RASEF: variants seen among roughly 807,000 people sequenced by gnomAD.
The protein encoded by RASEF is RAS and EF-hand domain containing.
RASEF carries 68 observed loss-of-function variants against 90.1 expected under a neutral mutation model. The ratio of observed to expected loss-of-function variants is 0.75; its 90% CI spans 0.62 to 0.92. The LOEUF (loss-of-function observed/expected upper bound fraction) is 0.92. Ranked by LOEUF, RASEF falls within the 40% of genes least tolerant of loss-of-function variation. RASEF has a pLI of 0.00. For missense variants in RASEF, 949 were observed against 937.2 expected (o/e 1.01, Z -0.16); for synonymous variants, 331 against 345.2 (o/e 0.96, Z 0.46).
At chr9:83,093,776 G>T in the RASEF span, among the ~76,000 whole-genome samples, 2 of 152,348 alleles carry the variant, frequency 1.3e-5, no homozygotes, top group South Asian at 2.1e-4. Flanking sequence ...TGGGCTGAAG[G>T]GCTCCTCAAG....
the RASEF span, among the ~76,000 whole-genome samples, chr9:83,153,373 A>T: frequency 6.6e-6 from 1 of 152,192 alleles, no homozygotes; most frequent in African/African-American, 2.4e-5. Context: ...GTTACTGCTT[A>T]TATGAAATTT....
the RASEF span, among the ~76,000 whole-genome samples, chr9:83,145,142 G>C: frequency 6.6e-6 from 1 of 152,184 alleles, no homozygotes; most frequent in African/African-American, 2.4e-5. Flanking sequence ...TTCTTAACAA[G>C]ATAATTATTA....
chr9:83,063,359 C>A (rs1269380942), upstream of RASEF, among the ~76,000 whole-genome samples: 1 of 152,220 alleles, frequency 6.6e-6, no homozygotes, highest in African/African-American at 2.4e-5. Context: ...GAGCCCAGCG[C>A]TCCGCTTCTC....
intron 1 of RASEF, among the ~76,000 whole-genome samples, chr9:83,043,887 T>C (rs1359391305): frequency 1.3e-5 from 2 of 152,142 alleles, no homozygotes; most frequent in Non-Finnish European, 2.9e-5. Context: ...ACCTAAGAGT[T>C]TGCACTTCTA....
intron 12 of RASEF, 113 bp downstream of exon 12, chr9:83,000,056 C>T: frequency 1.1e-6 from 1 of 914,792 alleles, no homozygotes; most frequent in South Asian, 1.6e-5. Context: ...TGTGTGCATA[C>T]ACAGAGAAAG....
At position 83,062,910 on chromosome 9, in the gene RASEF, G is replaced by A. The variant is rs1371911702; in HGVS notation, c.-43C>T. 1 of 1,391,182 alleles carries A rather than the reference G, an allele frequency of 7.2e-7. No individual in the cohort carries two copies. The highest frequency in any genetic ancestry group is 3.0e-5 in the East Asian group (1 of 33,670). The allele number at this position is 1,391,182 out of a possible 1,614,324, so 86.2% of individuals were successfully genotyped here. ...GCCGAGAGGGCTCCGGAGCGCCGCG[G>A]GGCGCAGGGCCCTCCCTGGAAGGAC... is the stretch of plus-strand genomic sequence containing the variant. On this transcript the variant is annotated 5_prime_UTR_variant, in exon 1 of 17. Coordinates refer to ENST00000376447, the MANE Select transcript of RASEF (RefSeq NM_152573.4).
the RASEF span, among the ~76,000 whole-genome samples, chr9:83,187,863 C>T: frequency 7.2e-5 from 11 of 152,302 alleles, no homozygotes; most frequent in East Asian, 1.7e-3. Context: ...TTGCTTTTCC[C>T]CTGTGTAACA....
chr9:82,987,874 T>A (rs1828736945), intron 16 of RASEF, among the ~76,000 whole-genome samples: 1 of 152,174 alleles, frequency 6.6e-6, no homozygotes. Flanking sequence ...GAAACAGATT[T>A]AAGAATGGAC....
rs925391460 is a variant in RASEF, at chr9:82,981,280, T to C, written c.*1397A>G. The C allele has an allele frequency of 6.6e-6, 1 of 152,140 alleles. No homozygotes were observed. The highest frequency in any genetic ancestry group is 2.4e-5 in the African/African-American group (1 of 41,426). 9.4% of individuals were successfully genotyped at this position (152,140 alleles called of 1,614,324 possible). On this transcript the variant is annotated 3_prime_UTR_variant, in exon 17 of 17. Transcript: ENST00000376447. ...TTAGAGGCATCTCAGTGGGGAGGTCTGGGAAGCAATGCAGGTTCTGGAAGG... is the reference window on the plus strand; with the variant it reads ...TTAGAGGCATCTCAGTGGGGAGGTCCGGGAAGCAATGCAGGTTCTGGAAGG...
chr9:82,984,963 T>C (rs912466074), intron 16 of RASEF, among the ~76,000 whole-genome samples: 3 of 152,098 alleles, frequency 2.0e-5, no homozygotes, highest in African/African-American at 7.2e-5. Flanking sequence ...TGGGGCTTCA[T>C]AGAGACTTTT....
At chr9:83,139,881 G>T in the RASEF span, among the ~76,000 whole-genome samples, 2 of 152,100 alleles carry the variant, frequency 1.3e-5, no homozygotes, top group Non-Finnish European at 2.9e-5. Context: ...AAATTGGTTA[G>T]CAAATACTAT....
At chr9:83,209,695 G>C in the RASEF span, among the ~76,000 whole-genome samples, 1 of 152,216 alleles carries the variant, frequency 6.6e-6, no homozygotes, top group Non-Finnish European at 1.5e-5. Flanking sequence ...TTGACATTGT[G>C]TATTTTCTTA....
chr9:83,020,535 C>T (rs535902757), intron 3 of RASEF, among the ~76,000 whole-genome samples: 3 of 152,224 alleles, frequency 2.0e-5, no homozygotes, highest in East Asian at 1.9e-4. Context: ...CTGGCAGTGA[C>T]GTCCTGGACT....
At chr9:83,123,490 C>T in the RASEF span, among the ~76,000 whole-genome samples, 1 of 152,230 alleles carries the variant, frequency 6.6e-6, no homozygotes, top group South Asian at 2.1e-4. Context: ...GCACCCTTCC[C>T]TGGTTAATCC....
intron 4 of RASEF, among the ~76,000 whole-genome samples, chr9:83,014,287 A>G (rs2118520926): frequency 6.6e-6 from 1 of 152,318 alleles, no homozygotes; most frequent in Non-Finnish European, 1.5e-5. Context: ...TATAAAATAC[A>G]AAATATAGCT....
chr9:83,020,863 G>A (rs893215132), intron 3 of RASEF, among the ~76,000 whole-genome samples: 2 of 151,962 alleles, frequency 1.3e-5, no homozygotes, highest in African/African-American at 2.4e-5. Flanking sequence ...AGCAGATGGA[G>A]AGAAAAAAAG....
chr9:83,036,279 T>C (rs138716601), intron 1 of RASEF, among the ~76,000 whole-genome samples: 1,721 of 152,264 alleles, frequency 0.011, 21 homozygotes, highest in Middle Eastern at 0.024. Context: ...TGGAGAAAGA[T>C]TGGAAGCAGC....
chr9:83,115,898 A>G, the RASEF span, among the ~76,000 whole-genome samples: 1 of 152,172 alleles, frequency 6.6e-6, no homozygotes, highest in Non-Finnish European at 1.5e-5. Context: ...AAAAAAAGCT[A>G]CAACTATTTT....
intron 14 of RASEF, among the ~76,000 whole-genome samples, chr9:82,995,907 A>G (rs947068695): frequency 6.6e-6 from 1 of 152,182 alleles, no homozygotes; most frequent in African/African-American, 2.4e-5. Flanking sequence ...AGTTTCTCAT[A>G]AAAACTTAGG....
Sources: gnomAD v4.1 joint callset for allele counts (sites outside exome capture counted in the v4.1 genomes callset) on GRCh38, gnomAD v4.1.1 for gene constraint, MANE v1.5 for transcripts, NCBI Gene and HGNC (gene_info 2026-07-23, HGNC 2026-07-21) for gene names.